Variants in CFH observed in about 807,000 individuals in gnomAD.
CFH encodes complement factor H.
Under a neutral mutation model 147.3 loss-of-function variants are expected in CFH, and 53 were observed. The observed-to-expected ratio is 0.36, with a 90% CI of 0.29 to 0.45. The LOEUF (loss-of-function observed/expected upper bound fraction) is 0.45. CFH is among the 20% of genes least tolerant of loss of function. CFH has a pLI of 1.00. For missense variants in CFH, 1,380 were observed against 1,498.0 expected, an observed-to-expected ratio of 0.92 and a Z score of 1.30; for synonymous variants, 536 against 489.4, an observed-to-expected ratio of 1.10 and a Z score of -1.26.
chr1:196,727,583 AAATATT>A (rs1457280468), intron 14 of CFH, among the ~76,000 whole-genome samples: 1 of 152,140 alleles, frequency 6.6e-6, no homozygotes, highest in Non-Finnish European at 1.5e-5. Flanking sequence ...TATAAAATAT[AAATATT>A]ATTGTTATTG....
chr1:196,656,351 A>G (rs1229195903), intron 1 of CFH, among the ~76,000 whole-genome samples: 1 of 151,878 alleles, frequency 6.6e-6, no homozygotes, highest in African/African-American at 2.4e-5. Context: ...AAAAGGAAAA[A>G]GCAATATTCT....
At chr1:196,681,503 AAAGACT>A (rs1427743752) in intron 6 of CFH, among the ~76,000 whole-genome samples, 1 of 147,810 alleles carries the variant, frequency 6.8e-6, no homozygotes, top group South Asian at 2.1e-4. Context: ...CACACCCCTC[AAAGACT>A]CTACATTTAT....
At chr1:196,746,777 A>G in intron 21 of CFH, among the ~76,000 whole-genome samples, 1 of 152,216 alleles carries the variant, frequency 6.6e-6, no homozygotes, top group Non-Finnish European at 1.5e-5. Context: ...TCTTATTCAT[A>G]TTATAGCTGA....
In CFH at chr1:196,719,223, A is replaced by G. The variant is rs79993414; in HGVS notation, c.1696+3454A>G. Reference sequence around the variant, plus strand: ...TCACGTTTTGTAAGTTATTACCTCTATATAAATACAGCATTTGAATAATAC... The same window carrying G: ...TCACGTTTTGTAAGTTATTACCTCTGTATAAATACAGCATTTGAATAATAC... On this transcript the variant is annotated intron_variant, in intron 11 of 21. Coordinates refer to ENST00000367429, the MANE Select transcript of CFH (RefSeq NM_000186.4). 7.8e-4 allele frequency among the ~76,000 whole-genome samples: 118 copies of G among 152,164 alleles called. 1 individual carries two copies. The East Asian group carries it at 0.021, about 27-fold the overall frequency.
At chr1:196,735,392 G>T (rs1366311771) in intron 15 of CFH, among the ~76,000 whole-genome samples, 1 of 152,024 alleles carries the variant, frequency 6.6e-6, no homozygotes, top group Non-Finnish European at 1.5e-5. Context: ...ATAAAAATAT[G>T]CATACACACT....
In CFH at chr1:196,672,986, G is replaced by A. The variant is rs754932801; in HGVS notation, c.67G>A (p.Glu23Lys). The A allele has an allele frequency of 5.6e-6, 9 of 1,613,722 alleles. No individual in the cohort carries two copies. Among genetic ancestry groups the A allele is most frequent in the African/African-American group, 5.3e-5 (4 of 74,912 alleles). ...WAICVAEDCN[E>K]LPPRRNTEIL... ...GTTTTTATTGTTTGTAGATTGCAATGAACTTCCTCCAAGAAGAAATACAGA... is the reference window on the plus strand; with the variant it reads ...GTTTTTATTGTTTGTAGATTGCAATAAACTTCCTCCAAGAAGAAATACAGA... The change falls in exon 2 of 22, where the codon GAA (glutamate) becomes AAA (lysine). Residue 23 changes from glutamate to lysine, a missense_variant. This residue lies in a region of CFH where 260 missense variants were observed against 263.3 expected (regional missense o/e 0.99). Transcript: ENST00000367429.
chr1:196,669,707 C>G (rs1326669696), intron 1 of CFH, among the ~76,000 whole-genome samples: 1 of 152,172 alleles, frequency 6.6e-6, no homozygotes, highest in Non-Finnish European at 1.5e-5. Context: ...GGGAGGAACC[C>G]TCATGGAGAA....
intron 11 of CFH, among the ~76,000 whole-genome samples, chr1:196,724,334 A>G (rs1364646553): frequency 6.6e-6 from 1 of 152,006 alleles, no homozygotes; most frequent in Non-Finnish European, 1.5e-5. Flanking sequence ...AGTGCACTGC[A>G]GGCATGAAAC....
chr1:196,695,017 C>CA (rs1182950378), intron 9 of CFH, among the ~76,000 whole-genome samples: 1 of 152,180 alleles, frequency 6.6e-6, no homozygotes, highest in Admixed American at 6.5e-5. Context: ...AATTAGATCC[C>CA]ATTTGTCAAT....
At chr1:196,724,874 TA>T (rs1213625929) in intron 11 of CFH, among the ~76,000 whole-genome samples, 2 of 152,186 alleles carry the variant, frequency 1.3e-5, no homozygotes, top group African/African-American at 2.4e-5. Context: ...TCATTGTAAA[TA>T]AGTTGAATTT....
At chr1:196,706,310 G>T (rs1025251257) in intron 9 of CFH, among the ~76,000 whole-genome samples, 1 of 152,068 alleles carries the variant, frequency 6.6e-6, no homozygotes, top group African/African-American at 2.4e-5. Context: ...GCATGCTAAA[G>T]AAATCTTAGC....
Position 196,728,442 on chromosome 1 carries a change from G to A in CFH, c.2333G>A (p.Arg778Lys), listed in dbSNP as rs767471170. Residue 778 changes from arginine to lysine, a missense_variant, in exon 15 of 22, where the codon AGG becomes AAG. By Grantham distance (26) the Arg-to-Lys change is conservative. Transcript: ENST00000367429. ...KKEFDHNSNIRYRCRGKEGWI... is the reference protein window; with the variant it reads ...KKEFDHNSNIKYRCRGKEGWI... ...GAATTCGATCATAATTCTAACATAA[G>A]GTACAGATGTAGAGGAAAAGAAGGA... 5 of 1,612,012 alleles carry A rather than the reference G, an allele frequency of 3.1e-6. No individual in the cohort carries two copies. The South Asian group carries it at 5.5e-5, about 18-fold the overall frequency.
intron 20 of CFH, among the ~76,000 whole-genome samples, chr1:196,744,550 T>C (rs1416661880): frequency 6.6e-6 from 1 of 152,124 alleles, no homozygotes; most frequent in Admixed American, 6.5e-5. Context: ...AATAATATAT[T>C]ACTGTCTACT....
chr1:196,698,237 G>T (rs1668344209), intron 9 of CFH, among the ~76,000 whole-genome samples: 2 of 152,000 alleles, frequency 1.3e-5, no homozygotes, highest in South Asian at 4.1e-4. Flanking sequence ...GATCAGAGCA[G>T]ACCTGGAGAT....
chr1:196,698,774 A>G (rs190653611), intron 9 of CFH, among the ~76,000 whole-genome samples: 116 of 152,300 alleles, frequency 7.6e-4, no homozygotes, highest in Admixed American at 2.7e-3. Context: ...CACAACAGAA[A>G]AAGAAAATTT....
rs1018656829 is a variant in CFH, at chr1:196,726,783, T to C, written c.2079T>C (p.Asp693=). The C allele has an allele frequency of 9.3e-6, 15 of 1,613,784 alleles. No homozygotes were observed. In the Admixed American group the frequency reaches 1.5e-4, roughly 16 times the overall value. ...VCIVEESTCG[D]IPELEHGWAQ... is the part of the protein sequence containing the mutation. ...TAGTGGAGGAGAGTACCTGTGGAGA[T>C]ATACCTGAACTTGAACATGGCTGGG... The change falls in exon 14 of 22, where the codon GAT becomes GAC. Residue 693 remains aspartate (D), a synonymous_variant. Coordinates refer to ENST00000367429, the MANE Select transcript of CFH (RefSeq NM_000186.4).
At chr1:196,669,068 A>G (rs1667190589) in intron 1 of CFH, among the ~76,000 whole-genome samples, 3 of 152,148 alleles carry the variant, frequency 2.0e-5, no homozygotes, top group Admixed American at 6.5e-5. Flanking sequence ...GTGGTCTCAG[A>G]TGGGGACAAG....
At chr1:196,723,994 G>C (rs12096637) in intron 11 of CFH, among the ~76,000 whole-genome samples, 4 of 152,096 alleles carry the variant, frequency 2.6e-5, no homozygotes, top group African/African-American at 9.6e-5. Flanking sequence ...TCCTGGGATG[G>C]ATCTATACTC....
chr1:196,697,740 G>C (rs1358513171), intron 9 of CFH, among the ~76,000 whole-genome samples: 2 of 152,018 alleles, frequency 1.3e-5, no homozygotes, highest in African/African-American at 4.8e-5. Context: ...CAATAGCAAA[G>C]ACTTGGAACC....
Sources: gnomAD v4.1 joint callset for allele counts (sites outside exome capture counted in the v4.1 genomes callset) on GRCh38, gnomAD v4.1.1 for gene constraint, gnomAD v4.1.1 regional missense constraint, MANE v1.5 for transcripts, NCBI Gene and HGNC (gene_info 2026-07-23, HGNC 2026-07-21) for gene names.